LIFR: variants seen among roughly 807,000 people sequenced by gnomAD.
The protein encoded by LIFR is leukemia inhibitory factor receptor.
Under a neutral mutation model 122.2 loss-of-function variants are expected in LIFR, and 84 were observed. The ratio of observed to expected loss-of-function variants is 0.69; its 90% CI spans 0.58 to 0.82. The LOEUF is 0.82. Among genes scored for constraint, LIFR ranks in the 40% least tolerant of loss-of-function variants. The pLI, the probability that LIFR is intolerant of heterozygous loss-of-function variation, is 0.00. For missense variants in LIFR, 1,294 were observed against 1,311.6 expected (o/e 0.99, Z 0.21); for synonymous variants, 422 against 434.7 (o/e 0.97, Z 0.36).
At chr5:38,592,034 A>G (rs1405020553) in intron 1 of LIFR, among the ~76,000 whole-genome samples, 1 of 152,094 alleles carries the variant, frequency 6.6e-6, no homozygotes, top group Admixed American at 6.6e-5. Flanking sequence ...CACAATCCAT[A>G]GTTCCTTAAC....
At chr5:38,530,794 T>C in intron 1 of LIFR, 128 bp from the exon 2 acceptor site, 1 of 876,090 alleles carries the variant, frequency 1.1e-6, no homozygotes, top group Non-Finnish European at 1.9e-6. Flanking sequence ...ACTTTGGAGA[T>C]ACTCAAACTC....
intron 1 of LIFR, among the ~76,000 whole-genome samples, chr5:38,548,085 A>G (rs980953994): frequency 6.6e-6 from 1 of 151,958 alleles, no homozygotes; most frequent in Admixed American, 6.6e-5. Flanking sequence ...GAATTTCTCA[A>G]GTGGGATAGC....
intron 1 of LIFR, among the ~76,000 whole-genome samples, chr5:38,588,965 T>C (rs950950605): frequency 2.0e-5 from 3 of 151,902 alleles, no homozygotes; most frequent in Non-Finnish European, 4.4e-5. Context: ...TTGGTATTTA[T>C]TGTACTTCTA....
chr5:38,491,431 C>G (rs887528836), intron 14 of LIFR, among the ~76,000 whole-genome samples: 3 of 151,980 alleles, frequency 2.0e-5, no homozygotes, highest in Non-Finnish European at 2.9e-5. Context: ...CCAAATGAGT[C>G]TAAAAAGATC....
chr5:38,559,631 C>T (rs953043263), upstream of LIFR, among the ~76,000 whole-genome samples: 2 of 152,080 alleles, frequency 1.3e-5, no homozygotes, highest in Admixed American at 6.5e-5. Flanking sequence ...CATAATACAA[C>T]GAGCCTTATC....
chr5:38,581,111 T>G (rs902567518), intron 1 of LIFR, among the ~76,000 whole-genome samples: 5 of 152,126 alleles, frequency 3.3e-5, no homozygotes, highest in Non-Finnish European at 5.9e-5. Context: ...GCAAAATGCC[T>G]CACACATGGT....
At chr5:38,514,823 C>G (rs1029607764) in intron 5 of LIFR, among the ~76,000 whole-genome samples, 4 of 152,198 alleles carry the variant, frequency 2.6e-5, no homozygotes, top group Non-Finnish European at 4.4e-5. Context: ...ACAACACTTA[C>G]ATTGTATTAG....
At chr5:38,527,428 C>T (rs375846469) in intron 3 of LIFR, 134 bp from the exon 4 acceptor site, 14 of 625,624 alleles carry the variant, frequency 2.2e-5, no homozygotes, top group African/African-American at 2.2e-4. Context: ...GGTTGTACCG[C>T]ATTTTAAGAC....
rs917355044 is a variant in LIFR at position 38,523,653 on chromosome 5, A to C, written c.398-71T>G. ...TGATTTTTCATACTGTAACTCCACT[A>C]ATCAACTACTTATAAACTCTATTCC... On this transcript the variant is annotated intron_variant, in intron 4 of 19. Transcript: ENST00000453190. The C allele has an allele frequency of 8.6e-6, 10 of 1,168,180 alleles. No homozygotes were observed. In the Admixed American group the frequency reaches 8.7e-5, roughly 10 times the overall value. The allele number at this position is 1,168,180 out of a possible 1,614,324, so 72.4% of individuals were successfully genotyped here.
chr5:38,564,714 A>AATAT (rs5867415), intron 1 of LIFR, among the ~76,000 whole-genome samples: 2 of 147,798 alleles, frequency 1.4e-5, no homozygotes, highest in Non-Finnish European at 3.0e-5. Flanking sequence ...ATATACACAC[A>AATAT]ATATATATAT....
At chr5:38,499,457 A>T (rs1035500820) in intron 12 of LIFR, 56 bp downstream of exon 12, 2 of 1,190,620 alleles carry the variant, frequency 1.7e-6, no homozygotes, top group African/African-American at 1.5e-5. Flanking sequence ...TACCATGCGT[A>T]AGTTAAGCAG....
chr5:38,483,639 C>T (rs1383323126), intron 18 of LIFR, among the ~76,000 whole-genome samples: 1 of 152,098 alleles, frequency 6.6e-6, no homozygotes, highest in African/African-American at 2.4e-5. Context: ...CCATGTTGGC[C>T]AGGATGGTCT....
At chr5:38,497,233 A>G (rs988507544) in intron 12 of LIFR, among the ~76,000 whole-genome samples, 1 of 152,214 alleles carries the variant, frequency 6.6e-6, no homozygotes, top group Non-Finnish European at 1.5e-5. Flanking sequence ...CAGTGAGCTG[A>G]GTTTGTGCCA....
chr5:38,523,518 G>A lies in LIFR; in HGVS notation c.462C>T (p.Tyr154=), dbSNP rs765749224. 2 of 1,612,498 alleles carry A rather than the reference G, an allele frequency of 1.2e-6. No individual in the cohort carries two copies. Among genetic ancestry groups the A allele is most frequent in the Non-Finnish European group, 1.7e-6 (2 of 1,178,682 alleles). The change falls in exon 5 of 20, where the codon TAC becomes TAT. Residue 154 remains tyrosine (Y), a synonymous_variant. Transcript: ENST00000453190. The part of the protein sequence containing the change: ...LSADFSTSTL[Y]LKWNDRGSVF... ...CTGAACCCCTGTCGTTCCACTTTAGGTATAATGTAGAGGTTGAGAAATCAG... is the reference window on the plus strand; with the variant it reads ...CTGAACCCCTGTCGTTCCACTTTAGATATAATGTAGAGGTTGAGAAATCAG...
At position 38,527,758 on chromosome 5, in the gene LIFR, C is replaced by G. The variant is rs3756420; in HGVS notation, c.258-464G>C. Among the ~76,000 whole-genome samples the G allele has an allele frequency of 1.6e-4, 24 of 152,324 alleles. No homozygotes were observed. The East Asian group carries it at 4.6e-3, about 29-fold the overall frequency. On this transcript the variant is annotated intron_variant, in intron 3 of 19. Transcript: ENST00000453190. ...TCTTAACAGAACTTCCTCTTCAGTT[C>G]TGTTTTCAAAATGCTTCCAGTTCCC...
At chr5:38,545,177 G>T (rs139952250) in intron 1 of LIFR, among the ~76,000 whole-genome samples, 1 of 152,034 alleles carries the variant, frequency 6.6e-6, no homozygotes, top group South Asian at 2.1e-4. Flanking sequence ...GGCTGAGACA[G>T]GAGACTCACT....
At position 38,528,737 on chromosome 5, in the gene LIFR, G is replaced by T; in HGVS notation, c.246C>A (p.Cys82Ter). The T allele has an allele frequency of 6.3e-7, 1 of 1,578,558 alleles. No homozygotes were observed. The highest frequency in any genetic ancestry group is 8.6e-7 in the Non-Finnish European group (1 of 1,157,010). ...TAAATTAAAATTACCTGTTTTCAAT[G>T]CAAACTTCATAATCAGTACCACGGC... Reference protein sequence around the residue: ...GTGRGTDYEVCIENRSRSCYQ... With the variant: ...GTGRGTDYEV Residue 82 changes from cysteine (C) to a stop codon, truncating the protein, a stop_gained, in exon 3 of 20, where the codon TGC becomes TGA. Transcript: ENST00000453190. LOFTEE classifies it high-confidence loss of function.
intron 1 of LIFR, among the ~76,000 whole-genome samples, chr5:38,583,086 C>A (rs765302718): frequency 6.6e-6 from 1 of 152,150 alleles, no homozygotes; most frequent in Admixed American, 6.5e-5. Context: ...CCTCCCTATA[C>A]TCAGAGCAGA....
chr5:38,557,806 C>T (rs1214406269), upstream of LIFR: 1 of 152,476 alleles, frequency 6.6e-6, no homozygotes, highest in Non-Finnish European at 1.5e-5. Flanking sequence ...CAGCTAGATA[C>T]GGTCGCTATT....
Sources: allele counts gnomAD v4.1 joint callset (sites outside exome capture counted in the v4.1 genomes callset), GRCh38; gene constraint gnomAD v4.1.1; transcripts MANE v1.5; gene names NCBI Gene and HGNC (gene_info 2026-07-23, HGNC 2026-07-21).